The following LRP12 variants were observed in gnomAD, a reference collection of about 807,000 sequenced individuals.
LRP12 encodes the protein LDL receptor related protein 12.
LRP12 carries 14 observed loss-of-function variants against 66.0 expected under a neutral mutation model. That is an observed-to-expected ratio of 0.21 (90% CI 0.14 to 0.33). The LOEUF (loss-of-function observed/expected upper bound fraction) is 0.33, where lower values mean the gene tolerates loss of function less well. Ranked by LOEUF, LRP12 falls within the 10% of genes least tolerant of loss-of-function variation. The pLI, the probability that LRP12 is intolerant of heterozygous loss-of-function variation, is 1.00. For synonymous variants in LRP12, 357 were observed against 359.1 expected, an observed-to-expected ratio of 0.99 and a Z score of 0.07; for missense variants, 889 against 1,053.4, an observed-to-expected ratio of 0.84 and a Z score of 2.16.
chr8:104,511,193 G>C (rs189552023), intron 2 of LRP12, among the ~76,000 whole-genome samples: 1 of 151,532 alleles, frequency 6.6e-6, no homozygotes, highest in African/African-American at 2.4e-5. Flanking sequence ...ACAGGTGCAC[G>C]CTACCACACC....
At chr8:104,531,515 C>G (rs1487524928) in intron 2 of LRP12, among the ~76,000 whole-genome samples, 1 of 152,060 alleles carries the variant, frequency 6.6e-6, no homozygotes, top group Non-Finnish European at 1.5e-5. Flanking sequence ...TAGAGTAGTA[C>G]TATAAAAATC....
chr8:104,501,354 A>G (rs377256434), intron 3 of LRP12, among the ~76,000 whole-genome samples: 75 of 152,142 alleles, frequency 4.9e-4, no homozygotes, highest in African/African-American at 1.7e-3. Context: ...TCTTCTGTGA[A>G]GTATCTGTTC....
At chr8:104,533,369 A>G (rs1021465539) in intron 1 of LRP12, among the ~76,000 whole-genome samples, 2 of 152,118 alleles carry the variant, frequency 1.3e-5, no homozygotes, top group Non-Finnish European at 2.9e-5. Context: ...ACACCTAAGA[A>G]GGTTTGCCAA....
At chr8:104,540,766 G>A (rs972447592) in intron 1 of LRP12, among the ~76,000 whole-genome samples, 13 of 151,996 alleles carry the variant, frequency 8.6e-5, no homozygotes, top group Non-Finnish European at 1.5e-4. Flanking sequence ...ACAGAGTCTC[G>A]CTCTGTCGCT....
chr8:104,491,974 C>CT (rs566322915), intron 6 of LRP12, among the ~76,000 whole-genome samples: 72 of 144,544 alleles, frequency 5.0e-4, no homozygotes, highest in Middle Eastern at 3.7e-3. Flanking sequence ...GGACTTTTAT[C>CT]TTTTTTTTTT....
chr8:104,567,849 A>T (rs1812028431), intron 1 of LRP12, among the ~76,000 whole-genome samples: 2 of 152,220 alleles, frequency 1.3e-5, no homozygotes, highest in South Asian at 4.1e-4. Flanking sequence ...TTCTTGACAA[A>T]TATGCTCTAC....
chr8:104,584,695 C>T (rs977034190), intron 1 of LRP12, among the ~76,000 whole-genome samples: 4 of 151,968 alleles, frequency 2.6e-5, no homozygotes, highest in African/African-American at 9.7e-5. Flanking sequence ...AATGTGCTGC[C>T]CACCTTCATA....
intron 2 of LRP12, among the ~76,000 whole-genome samples, chr8:104,526,842 T>G (rs1282641446): frequency 1.4e-5 from 2 of 142,280 alleles, no homozygotes; most frequent in African/African-American, 2.8e-5. Context: ...GGGATCTAAT[T>G]AAACTAAAGA....
intron 1 of LRP12, among the ~76,000 whole-genome samples, chr8:104,541,782 T>G (rs1402839972): frequency 6.6e-6 from 1 of 152,204 alleles, no homozygotes; most frequent in Non-Finnish European, 1.5e-5. Context: ...GTGTCTGACT[T>G]CTTTCACCTA....
At chr8:104,521,611 TTA>T (rs139052006) in intron 2 of LRP12, among the ~76,000 whole-genome samples, 6 of 150,156 alleles carry the variant, frequency 4.0e-5, no homozygotes, top group Admixed American at 6.7e-5. Context: ...AGTAATGTTT[TTA>T]TATATATATA....
intron 1 of LRP12, among the ~76,000 whole-genome samples, chr8:104,549,555 A>C (rs1811695576): frequency 6.6e-6 from 1 of 151,846 alleles, no homozygotes; most frequent in Non-Finnish European, 1.5e-5. Context: ...GGCGCCTGCC[A>C]CCGCACCTGG....
intron 4 of LRP12, among the ~76,000 whole-genome samples, chr8:104,498,638 C>A (rs1297986813): frequency 6.6e-6 from 1 of 152,126 alleles, no homozygotes; most frequent in Non-Finnish European, 1.5e-5. Flanking sequence ...CATTGATGGG[C>A]ATTTGGTTTG....
intron 1 of LRP12, among the ~76,000 whole-genome samples, chr8:104,558,899 C>G (rs1811856550): frequency 6.6e-6 from 1 of 152,078 alleles, no homozygotes; most frequent in African/African-American, 2.4e-5. Context: ...ATCAAAACCA[C>G]AATGCAGTAC....
At chr8:104,501,494 G>A (rs1377903013) in intron 3 of LRP12, among the ~76,000 whole-genome samples, 7 of 152,138 alleles carry the variant, frequency 4.6e-5, no homozygotes, top group Non-Finnish European at 1.5e-5. Context: ...GAGGTCAGGA[G>A]TTCGAGACCA....
rs1202577016 is a variant in LRP12, at chr8:104,572,414, T to C, written c.79+16405A>G. Among the ~76,000 whole-genome samples, 108 of 151,898 alleles carry C rather than the reference T, an allele frequency of 7.1e-4. 2 individuals are homozygous for C. Among genetic ancestry groups the C allele is most frequent in the Admixed American group, 7.0e-3 (107 of 15,258 alleles). ...AGAGTCAGTTTTACTGTATAATGTA[T>C]AAAACAAAATTTAAAAATAAACAAC... On this transcript the variant is annotated intron_variant, in intron 1 of 6. Coordinates refer to ENST00000276654, the MANE Select transcript of LRP12 (RefSeq NM_013437.5).
chr8:104,586,340 A>G (rs1005970556), intron 1 of LRP12, among the ~76,000 whole-genome samples: 1 of 152,240 alleles, frequency 6.6e-6, no homozygotes, highest in Non-Finnish European at 1.5e-5. Flanking sequence ...AAAAATCTGA[A>G]GCACACCTTA....
At chr8:104,526,029 C>T (rs2140857676) in intron 2 of LRP12, among the ~76,000 whole-genome samples, 1 of 152,296 alleles carries the variant, frequency 6.6e-6, no homozygotes, top group South Asian at 2.1e-4. Context: ...CATTCTTATA[C>T]ACCAATAACA....
At position 104,496,989 on chromosome 8, in the gene LRP12, C is replaced by CA; in HGVS notation, c.1562dup (p.Arg522GlufsTer4). ...ATACTGACCTTCTTTCAAACATTCTCAGAGAATAAAGCTTACAAGTACATC... is the reference window on the plus strand; with the variant it reads ...ATACTGACCTTCTTTCAAACATTCTCAAGAGAATAAAGCTTACAAGTACATC... On this transcript the variant is annotated frameshift_variant, in exon 5 of 7. Transcript: ENST00000276654. LOFTEE classifies it high-confidence loss of function. 1 of 1,526,292 alleles carries CA rather than the reference C, an allele frequency of 6.6e-7. No individual in the cohort carries two copies. The highest frequency in any genetic ancestry group is 8.8e-7 in the Non-Finnish European group (1 of 1,137,748). The allele number at this position is 1,526,292 out of a possible 1,614,324, so 94.5% of individuals were successfully genotyped here.
intron 3 of LRP12, among the ~76,000 whole-genome samples, chr8:104,500,618 T>G (rs1383842642): frequency 6.6e-6 from 1 of 152,094 alleles, no homozygotes; most frequent in Non-Finnish European, 1.5e-5. Flanking sequence ...CAGGAGAATC[T>G]CTTGAACCTG....
Sources: allele counts gnomAD v4.1 joint callset (sites outside exome capture counted in the v4.1 genomes callset), GRCh38; gene constraint gnomAD v4.1.1; transcripts MANE v1.5; gene names NCBI Gene and HGNC (gene_info 2026-07-23, HGNC 2026-07-21).